UHRF1: variants seen among roughly 807,000 people sequenced by gnomAD.
UHRF1 encodes ubiquitin like with PHD and ring finger domains 1, also known as E3 ubiquitin-protein ligase UHRF1.
Under a neutral mutation model 96.5 loss-of-function variants are expected in UHRF1, and 9 were observed. The observed-to-expected ratio is 0.09, with a 90% confidence interval of 0.06 to 0.16. UHRF1 has a LOEUF of 0.16. Among genes scored for constraint, UHRF1 ranks in the 10% least tolerant of loss-of-function variants. The pLI, the probability that UHRF1 is intolerant of heterozygous loss-of-function variation, is 1.00. For missense variants in UHRF1, 626 were observed against 1,131.1 expected, an observed-to-expected ratio of 0.55 and a Z score of 6.40; for synonymous variants, 455 against 469.9, an observed-to-expected ratio of 0.97 and a Z score of 0.41.
At chr19:4,957,063 A>T (rs990580744) in intron 16 of UHRF1, among the ~76,000 whole-genome samples, 3 of 152,098 alleles carry the variant, frequency 2.0e-5, no homozygotes, top group African/African-American at 7.2e-5. Context: ...GTCTTGGCCT[A>T]AGGTCTGGAG....
At chr19:4,909,688 C>A (rs2146272943) in intron 1 of UHRF1, 33 bp downstream of exon 1, 3 of 510,156 alleles carry the variant, frequency 5.9e-6, no homozygotes, top group East Asian at 7.1e-5. Flanking sequence ...GGTGCCAGCC[C>A]GGGCCGGGCG....
chr19:4,928,988 C>T (rs1321672363), intron 2 of UHRF1, among the ~76,000 whole-genome samples: 2 of 152,214 alleles, frequency 1.3e-5, no homozygotes, highest in African/African-American at 4.8e-5. Flanking sequence ...TTCCTGCATG[C>T]AGTGCCAAAA....
At chr19:4,903,240 G>A (rs28657067) in exon 1 of UHRF1, 14,925 of 192,054 alleles carry the variant, frequency 0.078, 751 homozygotes, top group Admixed American at 0.18. Flanking sequence ...GGATGGTCTC[G>A]ATCTCCTGAC....
chr19:4,944,570 G>A (rs1332110639), intron 9 of UHRF1, 120 bp downstream of exon 9: 31 of 1,079,164 alleles, frequency 2.9e-5, no homozygotes, highest in Non-Finnish European at 4.1e-5. Flanking sequence ...GCCTCGGCTA[G>A]CCGAGGAGGG....
intron 2 of UHRF1, among the ~76,000 whole-genome samples, chr19:4,921,730 C>T (rs1408689647): frequency 6.6e-6 from 1 of 152,174 alleles, no homozygotes; most frequent in Non-Finnish European, 1.5e-5. Flanking sequence ...GCCCTCCAGC[C>T]TGGGCAACAG....
chr19:4,945,743 G>A, intron 9 of UHRF1, 118 bp from the exon 10 acceptor site: 2 of 775,586 alleles, frequency 2.6e-6, no homozygotes, highest in South Asian at 3.0e-5. Context: ...GCAGGCCTGA[G>A]GAGTTTGGTG....
chr19:4,931,183 C>A (rs1443284179), intron 4 of UHRF1, among the ~76,000 whole-genome samples: 1 of 152,206 alleles, frequency 6.6e-6, no homozygotes, highest in African/African-American at 2.4e-5. Context: ...ATCCCCACCC[C>A]TAACGTCAGT....
chr19:4,917,820 A>G (rs970606544), intron 2 of UHRF1, among the ~76,000 whole-genome samples: 2 of 151,662 alleles, frequency 1.3e-5, no homozygotes, highest in African/African-American at 2.4e-5. Context: ...ACCACACCCA[A>G]TATTTAAATT....
intron 13 of UHRF1, among the ~76,000 whole-genome samples, chr19:4,953,526 T>C (rs1339270872): frequency 1.3e-5 from 2 of 152,102 alleles, no homozygotes; most frequent in African/African-American, 4.8e-5. Flanking sequence ...TGTAGTGGTG[T>C]GATCATAGCT....
upstream of UHRF1, among the ~76,000 whole-genome samples, chr19:4,906,240 A>G (rs1174224254): frequency 6.6e-6 from 1 of 152,144 alleles, no homozygotes; most frequent in African/African-American, 2.4e-5. Context: ...CGGCCTCTCA[A>G]AGTGCTGGGA....
chr19:4,904,362 G>A (rs568930897), intron 1 of UHRF1, among the ~76,000 whole-genome samples: 1 of 152,218 alleles, frequency 6.6e-6, no homozygotes, highest in East Asian at 1.9e-4. Flanking sequence ...TGTATTTTTA[G>A]TAGAGACGGG....
intron 13 of UHRF1, among the ~76,000 whole-genome samples, chr19:4,951,970 G>A (rs1014769842): frequency 1.4e-4 from 21 of 152,194 alleles, no homozygotes; most frequent in African/African-American, 4.1e-4. Context: ...TCCTCTACCC[G>A]AGGGGGTCAC....
Position 4,940,777 on chromosome 19 carries a change from A to G in UHRF1, c.786-751A>G, listed in dbSNP as rs1330029688. ...AGCGTCTGCCTCCTGGGTTCAAGCA[A>G]TTCTCCTGCCTCAGCCTCCTGGGTA... On this transcript the variant is annotated intron_variant, in intron 5 of 16. Transcript: ENST00000650932. Among the ~76,000 whole-genome samples the G allele has an allele frequency of 2.6e-5, 4 of 151,234 alleles. No individual in the cohort carries two copies. In the Admixed American group the frequency reaches 2.6e-4, roughly 10 times the overall value.
chr19:4,911,971 T>C (rs1220916936), intron 2 of UHRF1, among the ~76,000 whole-genome samples: 1 of 152,116 alleles, frequency 6.6e-6, no homozygotes, highest in Non-Finnish European at 1.5e-5. Context: ...CCATCTGGTG[T>C]CTAGGTTGGA....
At chr19:4,914,090 T>C (rs566346128) in intron 2 of UHRF1, among the ~76,000 whole-genome samples, 1 of 152,138 alleles carries the variant, frequency 6.6e-6, no homozygotes, top group Non-Finnish European at 1.5e-5. Flanking sequence ...CCTCCCAAAG[T>C]GCTGGGATTA....
intron 2 of UHRF1, among the ~76,000 whole-genome samples, chr19:4,918,017 A>G (rs948855233): frequency 9.9e-5 from 15 of 152,152 alleles, no homozygotes; most frequent in Non-Finnish European, 1.8e-4. Context: ...AGCAAGGAGA[A>G]TATCTTCCAC....
Position 4,944,222 on chromosome 19 carries a change from G to A in UHRF1, c.1164G>A (p.Ser388=), listed in dbSNP as rs2033495282. 6 of 1,614,038 alleles carry A rather than the reference G, an allele frequency of 3.7e-6. No individual in the cohort carries two copies. Among genetic ancestry groups the A allele is most frequent in the East Asian group, 2.2e-5 (1 of 44,886 alleles). ...RESKKKAKMA[S]ATSSSQRDWG... is the part of the protein sequence containing the mutation. ...GCAAGAAGAAGGCGAAGATGGCCTCGGCCACATCGTCCTCACAGCGGGACT... is the reference window on the plus strand; with the variant it reads ...GCAAGAAGAAGGCGAAGATGGCCTCAGCCACATCGTCCTCACAGCGGGACT... Residue 388 remains serine, a synonymous_variant, in exon 8 of 17, where the codon TCG becomes TCA. Coordinates refer to ENST00000650932, the MANE Select transcript of UHRF1 (RefSeq NM_001048201.3).
chr19:4,958,867 T>C (rs2033921354), intron 16 of UHRF1, among the ~76,000 whole-genome samples: 2 of 150,286 alleles, frequency 1.3e-5, no homozygotes, highest in Non-Finnish European at 3.0e-5. Flanking sequence ...GAGACTGAGG[T>C]GGTAGAATCG....
chr19:4,921,667 G>A (rs2032708919), intron 2 of UHRF1, among the ~76,000 whole-genome samples: 1 of 152,088 alleles, frequency 6.6e-6, no homozygotes, highest in Non-Finnish European at 1.5e-5. Flanking sequence ...CGAGGCGGGA[G>A]GGTTGCTTGA....
Sources: gnomAD v4.1 joint callset for allele counts (sites outside exome capture counted in the v4.1 genomes callset) on GRCh38, gnomAD v4.1.1 for gene constraint, MANE v1.5 for transcripts, NCBI Gene and HGNC (gene_info 2026-07-23, HGNC 2026-07-21) for gene names.